Variants in RBFOX3 observed in about 807,000 individuals in gnomAD.
RBFOX3 encodes RNA binding protein fox-1 homolog 3.
Under a neutral mutation model 48.7 loss-of-function variants are expected in RBFOX3, and 17 were observed. The ratio of observed to expected loss-of-function variants is 0.35; its 90% CI spans 0.24 to 0.52. RBFOX3 has a LOEUF of 0.52. RBFOX3 is among the 20% of genes least tolerant of loss of function. RBFOX3 has a pLI of 0.94. For missense variants in RBFOX3, 382 were observed against 497.5 expected (o/e 0.77, Z 2.21); for synonymous variants, 212 against 209.5 (o/e 1.01, Z -0.10).
intron 1 of RBFOX3, among the ~76,000 whole-genome samples, chr17:79,511,189 G>A (rs2084128278): frequency 6.6e-6 from 1 of 152,186 alleles, no homozygotes; most frequent in Non-Finnish European, 1.5e-5. Flanking sequence ...TGAGGGTCAG[G>A]GAAGAAACGG....
At chr17:79,282,362 G>A (rs537646111) in intron 3 of RBFOX3, among the ~76,000 whole-genome samples, 1 of 152,362 alleles carries the variant, frequency 6.6e-6, no homozygotes, top group South Asian at 2.1e-4. Flanking sequence ...TTTCCCCTAA[G>A]GGATTCGCTG....
chr17:79,104,780 C>T (rs777690334), intron 6 of RBFOX3, among the ~76,000 whole-genome samples: 7 of 151,992 alleles, frequency 4.6e-5, no homozygotes, highest in Non-Finnish European at 1.0e-4. Flanking sequence ...CTCAGGCCTC[C>T]CTGAGATGGG....
In RBFOX3 at chr17:79,364,629, C is replaced by T. The variant is rs549093176; in HGVS notation, c.-174-56805G>A. ...AGGATGAGGGTGTGCTGGTGGGTGA[C>T]GGGGAGCGGGCGTGAGCAGGTCGGA... On this transcript the variant is annotated intron_variant, in intron 2 of 14. Coordinates refer to ENST00000693108, the MANE Select transcript of RBFOX3 (RefSeq NM_001350451.2). The surrounding 1 kb of genome is among the most constrained non-coding windows in gnomAD (Gnocchi z 5.1). 1.8e-4 allele frequency among the ~76,000 whole-genome samples: 27 copies of T among 152,230 alleles called. 1 individual carries two copies. The South Asian group carries it at 4.6e-3, about 26-fold the overall frequency.
rs1161193233 is a variant in RBFOX3, at chr17:79,481,552, CCGTGCA to C, written c.-175+896_-175+901del. On this transcript the variant is annotated intron_variant, in intron 2 of 14. Coordinates refer to ENST00000693108, the MANE Select transcript of RBFOX3 (RefSeq NM_001350451.2). The surrounding 1 kb of genome is among the most constrained non-coding windows in gnomAD (Gnocchi z 5.4). Reference sequence around the variant, plus strand: ...TAGGAAGCTTCAAGTGTGAGGCTGGCCGTGCACGTGATTAGAGGGTTGGAAATTTCA... The same window carrying C: ...TAGGAAGCTTCAAGTGTGAGGCTGGCCGTGATTAGAGGGTTGGAAATTTCA... Among the ~76,000 whole-genome samples, 5 of 152,072 alleles carry C rather than the reference CCGTGCA, an allele frequency of 3.3e-5. No individual in the cohort carries two copies. Among genetic ancestry groups the C allele is most frequent in the Non-Finnish European group, 7.4e-5 (5 of 68,024 alleles).
At chr17:79,324,483 G>C (rs944636657) in intron 2 of RBFOX3, among the ~76,000 whole-genome samples, 2 of 152,224 alleles carry the variant, frequency 1.3e-5, no homozygotes, top group Non-Finnish European at 2.9e-5. Flanking sequence ...CCTCCCATTG[G>C]CAGTGCCCCT....
At chr17:79,503,901 T>C (rs983816940) in intron 1 of RBFOX3, among the ~76,000 whole-genome samples, 2 of 152,298 alleles carry the variant, frequency 1.3e-5, no homozygotes, top group Middle Eastern at 3.4e-3. Flanking sequence ...AGGACGGGGA[T>C]GCAAAACCCT....
At chr17:79,348,199 C>T (rs902261221) in intron 2 of RBFOX3, among the ~76,000 whole-genome samples, 1 of 152,164 alleles carries the variant, frequency 6.6e-6, no homozygotes, top group Non-Finnish European at 1.5e-5. Context: ...GTGGGCTGCA[C>T]CTGTTTTGCT....
At chr17:79,110,645 G>A (rs2030898370) in intron 5 of RBFOX3, among the ~76,000 whole-genome samples, 1 of 152,252 alleles carries the variant, frequency 6.6e-6, no homozygotes, top group Admixed American at 6.5e-5. Context: ...AGCCTTGGAG[G>A]AGGGGTTCTC....
intron 3 of RBFOX3, among the ~76,000 whole-genome samples, chr17:79,290,809 C>T (rs1302965426): frequency 6.6e-6 from 1 of 152,230 alleles, no homozygotes; most frequent in Non-Finnish European, 1.5e-5. Flanking sequence ...GAGGCTCTAC[C>T]TTACACACAA....
chr17:79,292,961 C>T (rs552174888), intron 3 of RBFOX3, among the ~76,000 whole-genome samples: 3 of 152,264 alleles, frequency 2.0e-5, no homozygotes, highest in East Asian at 1.9e-4. Flanking sequence ...GTTTTTATAC[C>T]TGCCCCCACC....
chr17:79,487,385 T>C (rs2149546581), intron 1 of RBFOX3, among the ~76,000 whole-genome samples: 1 of 152,268 alleles, frequency 6.6e-6, no homozygotes, highest in African/African-American at 2.4e-5. Flanking sequence ...TTGACAAAGA[T>C]GCTGCAGAGG....
At chr17:79,614,560 A>G (rs2093986992), upstream of RBFOX3, among the ~76,000 whole-genome samples, 1 of 152,222 alleles carries the variant, frequency 6.6e-6, no homozygotes, top group Non-Finnish European at 1.5e-5. Context: ...AAAACACGCA[A>G]CAGAGCGGGG....
chr17:79,615,978 G>A (rs1170158544), upstream of RBFOX3, among the ~76,000 whole-genome samples: 1 of 152,160 alleles, frequency 6.6e-6, no homozygotes, highest in Non-Finnish European at 1.5e-5. Context: ...GGACATCATG[G>A]CCCCACTTTC....
rs2058501301 is a variant in RBFOX3, at chr17:79,212,420, C to T, written c.-34+23346G>A. ...TCCTGCAGCCGGGCTCCTGGCGCTGCCCGTTCCCAATTTCTCCTTCCTGTA... is the reference window on the plus strand; with the variant it reads ...TCCTGCAGCCGGGCTCCTGGCGCTGTCCGTTCCCAATTTCTCCTTCCTGTA... On this transcript the variant is annotated intron_variant, in intron 4 of 14. Coordinates refer to ENST00000693108, the MANE Select transcript of RBFOX3 (RefSeq NM_001350451.2). This position sits in a 1 kb window ranked among gnomAD's most constrained non-coding sequence, Gnocchi z 4.7. Among the ~76,000 whole-genome samples, 1 of 152,144 alleles carries T rather than the reference C, an allele frequency of 6.6e-6. No individual in the cohort carries two copies. Among genetic ancestry groups the T allele is most frequent in the South Asian group, 2.1e-4 (1 of 4,830 alleles).
chr17:79,531,354 G>A (rs1294898043), intron 1 of RBFOX3, among the ~76,000 whole-genome samples: 2 of 152,206 alleles, frequency 1.3e-5, no homozygotes, highest in Non-Finnish European at 2.9e-5. Context: ...GTGCGGAGGA[G>A]GGCGGCCCAG....
chr17:79,297,019 T>A (rs2074491289), intron 3 of RBFOX3, among the ~76,000 whole-genome samples: 1 of 142,508 alleles, frequency 7.0e-6, no homozygotes, highest in African/African-American at 2.6e-5. Context: ...CTCCTGCCCC[T>A]CCTCTCCCCA....
chr17:79,240,779 T>C (rs2062244710), intron 3 of RBFOX3, among the ~76,000 whole-genome samples: 1 of 152,082 alleles, frequency 6.6e-6, no homozygotes, highest in Admixed American at 6.6e-5. Flanking sequence ...TTCTCCTGCC[T>C]CAGCCTTCCA....
intron 6 of RBFOX3, among the ~76,000 whole-genome samples, chr17:79,105,327 C>T (rs1451322998): frequency 6.6e-6 from 1 of 152,030 alleles, no homozygotes. Context: ...GTGCCCCTGT[C>T]CTGTAGGGAC....
intron 1 of RBFOX3, among the ~76,000 whole-genome samples, chr17:79,483,227 G>T (rs749635285): frequency 6.6e-6 from 1 of 151,922 alleles, no homozygotes; most frequent in Non-Finnish European, 1.5e-5. Flanking sequence ...CATGGGGGCC[G>T]TGCGCTCATA....
Sources: gnomAD v4.1 joint callset for allele counts (sites outside exome capture counted in the v4.1 genomes callset) on GRCh38, gnomAD v4.1.1 for gene constraint, Gnocchi (gnomAD v3.1) non-coding constraint, MANE v1.5 for transcripts, NCBI Gene and HGNC (gene_info 2026-07-23, HGNC 2026-07-21) for gene names.